Variants in KIF13A observed in about 807,000 individuals in gnomAD.
KIF13A encodes the protein kinesin-like protein KIF13A.
Under a neutral mutation model 212.2 loss-of-function variants are expected in KIF13A, and 79 were observed. That is an observed-to-expected ratio of 0.37 (90% CI 0.31 to 0.45). The LOEUF is 0.45. Ranked by LOEUF, KIF13A falls within the 20% of genes least tolerant of loss-of-function variation. The probability of loss-of-function intolerance (pLI) is 1.00; values close to 1 mark genes in which losing one functional copy is unlikely to be tolerated. For missense variants in KIF13A, 1,901 were observed against 2,209.0 expected (o/e 0.86, Z 2.79); for synonymous variants, 789 against 808.6 (o/e 0.98, Z 0.41).
intron 4 of KIF13A, among the ~76,000 whole-genome samples, chr6:17,861,112 T>C (rs796934671): frequency 6.6e-6 from 1 of 152,312 alleles, no homozygotes; most frequent in African/African-American, 2.4e-5. Context: ...AAATTTATCA[T>C]ATTTAGTAAA....
chr6:17,773,691 CTTT>C lies in KIF13A; in HGVS notation c.4219-111_4219-109del, dbSNP rs10560011. ...TTTTTTAATGGCAGCATATGCTCTT[CTTT>C]ATTTTTATTATGATTTATTTCAAAT... On this transcript the variant is annotated intron_variant, in intron 35 of 38. Coordinates refer to ENST00000259711, the MANE Select transcript of KIF13A (RefSeq NM_022113.6). The surrounding 1 kb of genome is among the most constrained non-coding windows in gnomAD (Gnocchi z 4.2). 0.016 allele frequency: 8,639 copies of C among 524,794 alleles called. 620 individuals carry two copies. Among genetic ancestry groups the C allele is most frequent in the African/African-American group, 0.15 (7,717 of 52,248 alleles). The allele number at this position is 524,794 out of a possible 1,614,324, so 32.5% of individuals were successfully genotyped here.
At chr6:17,981,657 C>T (rs1417595075) in intron 2 of KIF13A, among the ~76,000 whole-genome samples, 8 of 151,890 alleles carry the variant, frequency 5.3e-5, no homozygotes, top group African/African-American at 9.7e-5. Context: ...CTCCTGACCT[C>T]GTGATCTGCC....
intron 2 of KIF13A, among the ~76,000 whole-genome samples, chr6:17,909,860 G>T (rs983020684): frequency 6.6e-6 from 1 of 152,160 alleles, no homozygotes; most frequent in Non-Finnish European, 1.5e-5. Context: ...ACTCTAGCCT[G>T]GCGACAGAGT....
At chr6:17,831,335 C>A in intron 12 of KIF13A, 100 bp from the exon 13 acceptor site, 1 of 1,324,160 alleles carries the variant, frequency 7.6e-7, no homozygotes, top group Non-Finnish European at 1.1e-6. Flanking sequence ...GGGACAATGC[C>A]AATGGGATTA....
At chr6:17,807,022 T>C (rs550723063) in intron 18 of KIF13A, among the ~76,000 whole-genome samples, 4 of 152,384 alleles carry the variant, frequency 2.6e-5, no homozygotes, top group Admixed American at 1.3e-4. Flanking sequence ...TGCCTGTCTT[T>C]ACTTTTATCT....
chr6:17,792,175 C>T (rs1342370967), intron 25 of KIF13A, among the ~76,000 whole-genome samples: 1 of 124,220 alleles, frequency 8.1e-6, no homozygotes, highest in Non-Finnish European at 1.6e-5. Context: ...TGCACTCCAG[C>T]CTAGGGGACA....
intron 4 of KIF13A, among the ~76,000 whole-genome samples, chr6:17,858,353 T>C (rs1034345441): frequency 2.0e-5 from 3 of 152,080 alleles, no homozygotes; most frequent in Non-Finnish European, 4.4e-5. Context: ...TTGTGAAGAG[T>C]ACCTTAAGAT....
At chr6:17,836,120 G>A (rs1420384490) in intron 11 of KIF13A, among the ~76,000 whole-genome samples, 1 of 152,146 alleles carries the variant, frequency 6.6e-6, no homozygotes. Flanking sequence ...CATTATTAAA[G>A]TTTCAGTAAA....
At position 17,974,827 on chromosome 6, in the gene KIF13A, T is replaced by C. The variant is rs190007758; in HGVS notation, c.146+12227A>G. On this transcript the variant is annotated intron_variant, in intron 2 of 38. Transcript: ENST00000259711. ...TGTTGCTTAATGCACTGGCCACATA[T>C]AGCTGTTTAAATCAATGAAAATAAA... Among the ~76,000 whole-genome samples the C allele has an allele frequency of 9.2e-5, 14 of 152,350 alleles. No homozygotes were observed. The East Asian group carries it at 2.5e-3, about 27-fold the overall frequency.
rs201538571 is a variant in KIF13A at position 17,924,177 on chromosome 6, T to TCTAA, written c.147-26001_147-25998dup. Among the ~76,000 whole-genome samples the TCTAA allele has an allele frequency of 6.9e-3, 1,045 of 152,340 alleles. 8 individuals carry two copies. Among genetic ancestry groups the TCTAA allele is most frequent in the African/African-American group, 0.024 (986 of 41,580 alleles). On this transcript the variant is annotated intron_variant, in intron 2 of 38. Transcript: ENST00000259711. ...GAGATATCTGAGCAGAGATGATATT[T>TCTAA]CTAAGCATGTATTTCAGAAACCATT...
chr6:17,853,922 T>C (rs1767903437), intron 6 of KIF13A, among the ~76,000 whole-genome samples: 1 of 152,020 alleles, frequency 6.6e-6, no homozygotes, highest in African/African-American at 2.4e-5. Flanking sequence ...ATTTATTTAA[T>C]TTTAGCTAGA....
Position 17,951,048 on chromosome 6 carries a change from T to C in KIF13A, c.146+36006A>G. Reference sequence around the variant, plus strand: ...ATGGGCTATCACAAACCCACTTTAGTAGTACACCTAAGGACACCTAAGGAA... The same window carrying C: ...ATGGGCTATCACAAACCCACTTTAGCAGTACACCTAAGGACACCTAAGGAA... On this transcript the variant is annotated intron_variant, in intron 2 of 38. Transcript: ENST00000259711. The surrounding 1 kb of genome is among the most constrained non-coding windows in gnomAD (Gnocchi z 4.9). The C allele has an allele frequency of 9.6e-7, 1 of 1,040,430 alleles. No homozygotes were observed. The highest frequency in any genetic ancestry group is 1.7e-5 in the African/African-American group (1 of 59,590). The allele number at this position is 1,040,430 out of a possible 1,614,324, so 64.4% of individuals were successfully genotyped here.
intron 2 of KIF13A, among the ~76,000 whole-genome samples, chr6:17,960,718 T>C (rs1778746714): frequency 6.6e-6 from 1 of 152,206 alleles, no homozygotes; most frequent in South Asian, 2.1e-4. Context: ...TATTTTTATA[T>C]GTCATTCCTC....
chr6:17,858,823 G>A (rs530647377), intron 4 of KIF13A, among the ~76,000 whole-genome samples: 182 of 151,180 alleles, frequency 1.2e-3, no homozygotes, highest in Non-Finnish European at 2.0e-3. Flanking sequence ...TGAGGGTGGG[G>A]ACAAGAGACT....
chr6:17,866,582 G>C (rs941479624), intron 4 of KIF13A, among the ~76,000 whole-genome samples: 2 of 151,958 alleles, frequency 1.3e-5, no homozygotes, highest in African/African-American at 4.8e-5. Flanking sequence ...TACCTGACTG[G>C]GTGCTTTGAC....
Position 17,791,901 on chromosome 6 carries a change from C to CAAA in KIF13A, c.3223-1994_3223-1992dup, listed in dbSNP as rs57423111. Reference sequence around the variant, plus strand: ...GGTGACAGAGAGAGAGACTCTGTCTCAAAAAAAAAAAAAAAAAAAGTACTG... The same window carrying CAAA: ...GGTGACAGAGAGAGAGACTCTGTCTCAAAAAAAAAAAAAAAAAAAAAAGTACTG... On this transcript the variant is annotated intron_variant, in intron 25 of 38. Transcript: ENST00000259711. Among the ~76,000 whole-genome samples the CAAA allele has an allele frequency of 2.5e-3, 228 of 89,904 alleles. 12 individuals are homozygous for CAAA. The highest frequency in any genetic ancestry group is 4.1e-3 in the South Asian group (10 of 2,436). The allele number at this position is 89,904 out of a possible 152,430, so 59.0% of individuals were successfully genotyped here.
At chr6:17,782,125 C>T (rs1449734849) in intron 29 of KIF13A, among the ~76,000 whole-genome samples, 5 of 151,386 alleles carry the variant, frequency 3.3e-5, no homozygotes, top group East Asian at 4.0e-4. Flanking sequence ...TTAGTACAGA[C>T]GGGGTTTCAC....
chr6:17,976,672 G>GC (rs970639206), intron 2 of KIF13A, among the ~76,000 whole-genome samples: 3 of 152,178 alleles, frequency 2.0e-5, no homozygotes, highest in Non-Finnish European at 4.4e-5. Context: ...CTCAAGTGCC[G>GC]CCAAAGTGGG....
In KIF13A at chr6:17,771,217, C is replaced by T; in HGVS notation, c.4478G>A (p.Ser1493Asn). 6.2e-7 allele frequency: 1 copy of T among 1,608,414 alleles called. No homozygotes were observed. Among genetic ancestry groups the T allele is most frequent in the South Asian group, 1.1e-5 (1 of 90,386 alleles). The change falls in exon 38 of 39, where the codon AGC becomes AAC. Residue 1493 changes from serine to asparagine, a missense_variant and splice_region_variant. Ser to Asn is a conservative substitution (Grantham distance 46). This residue lies in a region of KIF13A where 687 missense variants were observed against 759.1 expected (regional missense o/e 0.90). Coordinates refer to ENST00000259711, the MANE Select transcript of KIF13A (RefSeq NM_022113.6). The surrounding 1 kb of genome is among the most constrained non-coding windows in gnomAD (Gnocchi z 5.4). ...GTTATGTGCCTGAGGTGGAGGCATGCTCTGCAAAGGTTAAGACACACAGAT... is the reference window on the plus strand; with the variant it reads ...GTTATGTGCCTGAGGTGGAGGCATGTTCTGCAAAGGTTAAGACACACAGAT... ...LEARPLLSQE[S>N]MPPPQAHNPG... is the part of the protein sequence containing the mutation.
Sources: allele counts gnomAD v4.1 joint callset (sites outside exome capture counted in the v4.1 genomes callset), GRCh38; gene constraint gnomAD v4.1.1; regional missense constraint gnomAD v4.1.1; non-coding constraint Gnocchi (gnomAD v3.1); transcripts MANE v1.5; gene names NCBI Gene and HGNC (gene_info 2026-07-23, HGNC 2026-07-21).